PRH1: variants seen among roughly 807,000 people sequenced by gnomAD.
PRH1 encodes the protein salivary acidic proline-rich phosphoprotein 1/2.
PRH1 carries 7 observed loss-of-function variants against 7.9 expected under a neutral mutation model. The ratio of observed to expected loss-of-function variants is 0.89; its 90% CI spans 0.50 to 1.67. The LOEUF (loss-of-function observed/expected upper bound fraction) is 1.67. Among genes scored for constraint, PRH1 ranks in the 40% most tolerant of loss-of-function variants. The probability of loss-of-function intolerance (pLI) is 0.00; values close to 1 mark genes in which losing one functional copy is unlikely to be tolerated. For synonymous variants in PRH1, 45 were observed against 80.8 expected (o/e 0.56, Z 2.38); for missense variants, 109 against 223.6 (o/e 0.49, Z 3.27).
At chr12:11,133,617 G>A (rs1946443477) in intron 1 of PRH1, 1 of 1,614,262 alleles carries the variant, frequency 6.2e-7, no homozygotes, top group African/African-American at 1.3e-5. Context: ...CCATGGAGCT[G>A]CATCTTCTTG....
At chr12:11,018,553 A>G (rs1369782540) in intron 1 of PRH1, among the ~76,000 whole-genome samples, 3 of 93,718 alleles carry the variant, frequency 3.2e-5, no homozygotes, top group Non-Finnish European at 7.7e-5. Flanking sequence ...TGCTCACTTC[A>G]TGTAAAGTCT....
chr12:10,991,866 C>A (rs139426858), intron 1 of PRH1, among the ~76,000 whole-genome samples: 176 of 152,170 alleles, frequency 1.2e-3, no homozygotes, highest in African/African-American at 4.0e-3. Context: ...CAGTGCTGCT[C>A]ATAGAGCATG....
At chr12:11,057,339 T>C (rs2598000) in intron 1 of PRH1, among the ~76,000 whole-genome samples, 68,760 of 149,892 alleles carry the variant, frequency 0.46, 16,349 homozygotes, top group Non-Finnish European at 0.53. Flanking sequence ...CCTAGAGTTT[T>C]GTCTCATGTC....
chr12:11,003,481 C>T (rs1480183563), intron 1 of PRH1, among the ~76,000 whole-genome samples: 5 of 151,904 alleles, frequency 3.3e-5, no homozygotes. Flanking sequence ...CTTTTGTTTC[C>T]TCCCTCCCAA....
chr12:10,882,119 G>C (rs890973499), intron 3 of PRH1, 98 bp downstream of exon 3: 90 of 1,565,378 alleles, frequency 5.7e-5, no homozygotes, highest in Non-Finnish European at 7.3e-5. Flanking sequence ...TTCCAGGACA[G>C]GGCAATATTA....
chr12:11,029,015 C>G (rs1269322141), intron 1 of PRH1, among the ~76,000 whole-genome samples: 4 of 152,300 alleles, frequency 2.6e-5, no homozygotes, highest in Non-Finnish European at 5.9e-5. Flanking sequence ...TTTTGACCAT[C>G]TATTCTTGGT....
intron 1 of PRH1, among the ~76,000 whole-genome samples, chr12:11,165,470 T>C (rs1947546327): frequency 6.6e-6 from 1 of 152,228 alleles, no homozygotes; most frequent in South Asian, 2.1e-4. Flanking sequence ...TCATTTGAGC[T>C]TCTTATATAG....
At chr12:11,000,163 CCA>C (rs1294893604) in intron 1 of PRH1, among the ~76,000 whole-genome samples, 1 of 152,086 alleles carries the variant, frequency 6.6e-6, no homozygotes, top group Non-Finnish European at 1.5e-5. Context: ...ACCTTTACCT[CCA>C]GTCTCTTTAT....
intron 2 of PRH1, among the ~76,000 whole-genome samples, chr12:10,964,004 T>C (rs1439167468): frequency 6.6e-6 from 1 of 152,202 alleles, no homozygotes; most frequent in Non-Finnish European, 1.5e-5. Context: ...CTATGGTACA[T>C]ACGTATGGTA....
chr12:11,162,918 G>T (rs1279693895), intron 1 of PRH1, among the ~76,000 whole-genome samples: 1 of 152,068 alleles, frequency 6.6e-6, no homozygotes, highest in Non-Finnish European at 1.5e-5. Context: ...AGAGAGAAGG[G>T]ATACATGGAA....
intron 2 of PRH1, chr12:10,909,613 T>G (rs1387270718): frequency 3.2e-6 from 1 of 313,494 alleles, no homozygotes; most frequent in South Asian, 1.3e-4. Context: ...TTTGCAACCA[T>G]GCAAATAAAG....
intron 1 of PRH1, among the ~76,000 whole-genome samples, chr12:10,992,264 A>G (rs1939969281): frequency 6.6e-6 from 1 of 152,216 alleles, no homozygotes; most frequent in Non-Finnish European, 1.5e-5. Flanking sequence ...TAGCCATAAC[A>G]GTACCCAGAG....
chr12:10,903,345 C>T (rs933619551), intron 2 of PRH1, among the ~76,000 whole-genome samples: 2 of 151,998 alleles, frequency 1.3e-5, no homozygotes, highest in African/African-American at 4.8e-5. Flanking sequence ...CATTGGAGCA[C>T]CAAGATTCAT....
intron 2 of PRH1, among the ~76,000 whole-genome samples, chr12:10,944,683 T>G (rs1950458776): frequency 2.6e-5 from 4 of 152,174 alleles, no homozygotes; most frequent in Admixed American, 2.6e-4. Context: ...CAGTATGATG[T>G]TGGGTGTGGG....
intron 2 of PRH1, among the ~76,000 whole-genome samples, chr12:10,925,969 G>A (rs993374145): frequency 6.6e-6 from 1 of 152,160 alleles, no homozygotes; most frequent in African/African-American, 2.4e-5. Context: ...TGATGATTAA[G>A]TGGAACATAG....
chr12:11,067,620 G>A (rs1943882160), intron 1 of PRH1, among the ~76,000 whole-genome samples: 1 of 152,182 alleles, frequency 6.6e-6, no homozygotes, highest in Admixed American at 6.5e-5. Context: ...CCAGCATTTT[G>A]GAAGGCTGAG....
intron 1 of PRH1, among the ~76,000 whole-genome samples, chr12:11,105,813 G>T (rs1406440699): frequency 1.3e-5 from 2 of 152,106 alleles, no homozygotes; most frequent in Non-Finnish European, 2.9e-5. Flanking sequence ...TTTTCAACGT[G>T]AGTAATATGT....
intron 1 of PRH1, among the ~76,000 whole-genome samples, chr12:11,156,125 T>C (rs1312263842): frequency 2.6e-5 from 4 of 152,210 alleles, no homozygotes; most frequent in Non-Finnish European, 2.9e-5. Flanking sequence ...TATCTGAAAA[T>C]GTATCCTTTT....
intron 1 of PRH1, chr12:11,022,220 A>G: frequency 6.2e-7 from 1 of 1,614,144 alleles, no homozygotes; most frequent in Non-Finnish European, 8.5e-7. Context: ...AGGTGGAGAG[A>G]AATAAGGTTG....
Sources: allele counts gnomAD v4.1 joint callset (sites outside exome capture counted in the v4.1 genomes callset), GRCh38; gene constraint gnomAD v4.1.1; transcripts MANE v1.5; gene names NCBI Gene and HGNC (gene_info 2026-07-23, HGNC 2026-07-21).